The following MYO1D variants were observed in gnomAD, a reference collection of about 807,000 sequenced individuals.
MYO1D encodes myosin ID, also known as unconventional myosin-Id.
MYO1D carries 83 observed loss-of-function variants against 122.0 expected under a neutral mutation model. That is an observed-to-expected ratio of 0.68 (90% CI 0.57 to 0.82). The LOEUF (loss-of-function observed/expected upper bound fraction) is 0.82, where lower values mean the gene tolerates loss of function less well. Ranked by LOEUF, MYO1D falls within the 40% of genes least tolerant of loss-of-function variation. MYO1D has a pLI of 0.00. For missense variants in MYO1D, 1,157 were observed against 1,269.5 expected, an observed-to-expected ratio of 0.91 and a Z score of 1.35; for synonymous variants, 464 against 446.9, an observed-to-expected ratio of 1.04 and a Z score of -0.48.
At chr17:32,563,206 C>CTTTTTT (rs1279675450) in intron 21 of MYO1D, among the ~76,000 whole-genome samples, 8 of 95,972 alleles carry the variant, frequency 8.3e-5, no homozygotes, top group Non-Finnish European at 1.4e-4. Context: ...TTTCTTCTCT[C>CTTTTTT]TTTTTTTTTT....
At chr17:32,614,002 T>C (rs527512944) in intron 20 of MYO1D, among the ~76,000 whole-genome samples, 1 of 151,944 alleles carries the variant, frequency 6.6e-6, no homozygotes, top group Non-Finnish European at 1.5e-5. Context: ...AAAACAATAC[T>C]TCATTTTACA....
At chr17:32,753,906 A>C (rs1305058957) in intron 11 of MYO1D, among the ~76,000 whole-genome samples, 3 of 152,158 alleles carry the variant, frequency 2.0e-5, no homozygotes, top group African/African-American at 7.2e-5. Context: ...CAAAAGAAAA[A>C]AAAAAAAAAG....
chr17:32,628,709 T>C (rs1461701575), intron 20 of MYO1D, among the ~76,000 whole-genome samples: 1 of 152,054 alleles, frequency 6.6e-6, no homozygotes, highest in Non-Finnish European at 1.5e-5. Flanking sequence ...ACATACCTAT[T>C]AGAATGGCCA....
intron 14 of MYO1D, among the ~76,000 whole-genome samples, chr17:32,725,014 C>T (rs1370923458): frequency 3.3e-5 from 5 of 152,148 alleles, no homozygotes; most frequent in South Asian, 2.1e-4. Context: ...AAAAAATAAA[C>T]GAACCTGCAG....
At chr17:32,640,865 C>T (rs1354287062) in intron 19 of MYO1D, among the ~76,000 whole-genome samples, 1 of 151,836 alleles carries the variant, frequency 6.6e-6, no homozygotes, top group East Asian at 1.9e-4. Flanking sequence ...CCACAGCCTC[C>T]ACTAGGGATA....
At chr17:32,825,919 A>G (rs1008427488) in intron 1 of MYO1D, among the ~76,000 whole-genome samples, 1 of 151,906 alleles carries the variant, frequency 6.6e-6, no homozygotes, top group African/African-American at 2.4e-5. Context: ...GTGCTCTGGC[A>G]CACGCTTGTA....
At chr17:32,790,715 TG>T (rs1053315430) in intron 1 of MYO1D, among the ~76,000 whole-genome samples, 1 of 152,222 alleles carries the variant, frequency 6.6e-6, no homozygotes, top group African/African-American at 2.4e-5. Context: ...ACAGAATATA[TG>T]GGTCTCAATT....
intron 14 of MYO1D, among the ~76,000 whole-genome samples, chr17:32,723,024 A>C (rs2089530191): frequency 6.6e-6 from 1 of 152,300 alleles, no homozygotes; most frequent in East Asian, 1.9e-4. Context: ...CTTTGTGATG[A>C]AACGCTGATA....
rs1349797269 is a variant in MYO1D, at chr17:32,493,868, A to AGGT, written c.*888_*890dup. 6 of 152,172 alleles carry AGGT rather than the reference A, an allele frequency of 3.9e-5. No individual in the cohort carries two copies. Among genetic ancestry groups the AGGT allele is most frequent in the Non-Finnish European group, 8.8e-5 (6 of 68,046 alleles). The allele number at this position is 152,172 out of a possible 1,614,324, so 9.4% of individuals were successfully genotyped here. On this transcript the variant is annotated 3_prime_UTR_variant, in exon 22 of 22. Coordinates refer to ENST00000318217, the MANE Select transcript of MYO1D (RefSeq NM_015194.3). ...TTCTCTGAGTAGGAAACGCAGCGGG[A>AGGT]GGTGGTCCAGAGGGAAAGCGGCCGA...
chr17:32,813,266 T>A (rs2090587402), intron 1 of MYO1D, among the ~76,000 whole-genome samples: 1 of 152,226 alleles, frequency 6.6e-6, no homozygotes, highest in Admixed American at 6.5e-5. Flanking sequence ...GATACAATGG[T>A]GATCAACATA....
At chr17:32,547,330 C>G (rs2086972251) in intron 21 of MYO1D, among the ~76,000 whole-genome samples, 1 of 152,184 alleles carries the variant, frequency 6.6e-6, no homozygotes. Flanking sequence ...CAGCGGCAGG[C>G]AATTTACATT....
At chr17:32,529,432 A>G (rs775752888) in intron 21 of MYO1D, among the ~76,000 whole-genome samples, 7 of 152,192 alleles carry the variant, frequency 4.6e-5, no homozygotes, top group Non-Finnish European at 1.0e-4. Context: ...TGCAGTTGTA[A>G]GTTTCTCCCT....
chr17:32,853,849 T>G (rs752538830), intron 1 of MYO1D, among the ~76,000 whole-genome samples: 2 of 152,198 alleles, frequency 1.3e-5, no homozygotes, highest in African/African-American at 2.4e-5. Flanking sequence ...AATAAATTAT[T>G]GAAACAAACA....
chr17:32,845,580 G>C (rs1168291645), intron 1 of MYO1D, among the ~76,000 whole-genome samples: 1 of 152,220 alleles, frequency 6.6e-6, no homozygotes, highest in African/African-American at 2.4e-5. Flanking sequence ...AAGAGGTAGA[G>C]GGATGTATCC....
intron 21 of MYO1D, among the ~76,000 whole-genome samples, chr17:32,496,611 C>T (rs910386290): frequency 6.6e-6 from 1 of 152,156 alleles, no homozygotes; most frequent in African/African-American, 2.4e-5. Flanking sequence ...GACCAGATGC[C>T]TCCAGGACCA....
chr17:32,641,535 T>C (rs1304203534), intron 19 of MYO1D, among the ~76,000 whole-genome samples: 5 of 152,232 alleles, frequency 3.3e-5, no homozygotes, highest in Admixed American at 3.3e-4. Context: ...GTTGAACTAG[T>C]TTACAGTCCA....
At chr17:32,673,191 C>T (rs569406738) in intron 16 of MYO1D, among the ~76,000 whole-genome samples, 1 of 139,772 alleles carries the variant, frequency 7.2e-6, no homozygotes, top group East Asian at 2.3e-4. Flanking sequence ...GCAACCTCCA[C>T]ATCCCAGGTT....
At chr17:32,549,057 C>T (rs528979215) in intron 21 of MYO1D, among the ~76,000 whole-genome samples, 1 of 152,206 alleles carries the variant, frequency 6.6e-6, no homozygotes, top group Non-Finnish European at 1.5e-5. Context: ...CATACATTTA[C>T]ACTGAAAAAA....
At chr17:32,822,542 G>T (rs985834112) in intron 1 of MYO1D, among the ~76,000 whole-genome samples, 3 of 146,096 alleles carry the variant, frequency 2.1e-5, no homozygotes, top group Non-Finnish European at 4.6e-5. Context: ...GTTCACTGCC[G>T]GGGCGGCTCG....
Sources: allele counts gnomAD v4.1 joint callset (sites outside exome capture counted in the v4.1 genomes callset), GRCh38; gene constraint gnomAD v4.1.1; transcripts MANE v1.5; gene names NCBI Gene and HGNC (gene_info 2026-07-23, HGNC 2026-07-21).